Variants in CMSS1 observed in about 807,000 individuals in gnomAD.
CMSS1 encodes the protein protein CMSS1.
Under a neutral mutation model 43.5 loss-of-function variants are expected in CMSS1, and 33 were observed. That is an observed-to-expected ratio of 0.76 (90% CI 0.57 to 1.01). CMSS1 has a LOEUF of 1.01. CMSS1 is among the 50% of genes least tolerant of loss of function. CMSS1 has a pLI of 0.00. For synonymous variants in CMSS1, 115 were observed against 117.2 expected (o/e 0.98, Z 0.12); for missense variants, 313 against 326.4 (o/e 0.96, Z 0.32).
chr3:99,946,430 T>C (rs534118917), intron 1 of CMSS1, among the ~76,000 whole-genome samples: 29 of 152,354 alleles, frequency 1.9e-4, no homozygotes, highest in African/African-American at 7.0e-4. Flanking sequence ...TCTGTGTGGC[T>C]GCTAAACAAA....
intron 1 of CMSS1, among the ~76,000 whole-genome samples, chr3:99,942,070 A>C (rs1264918072): frequency 6.6e-6 from 1 of 152,130 alleles, no homozygotes; most frequent in Non-Finnish European, 1.5e-5. Flanking sequence ...CAAAAAAATT[A>C]GTGGGGCATG....
intron 1 of CMSS1, among the ~76,000 whole-genome samples, chr3:99,989,679 TATATA>T (rs781684090): frequency 7.0e-6 from 1 of 143,850 alleles, no homozygotes; most frequent in Admixed American, 6.9e-5. Context: ...TATATATATA[TATATA>T]TTTTTTTTCT....
intron 1 of CMSS1, among the ~76,000 whole-genome samples, chr3:99,829,908 C>T (rs1414828507): frequency 6.6e-6 from 1 of 152,148 alleles, no homozygotes; most frequent in Non-Finnish European, 1.5e-5. Context: ...CTTTTTCCCT[C>T]CTGGTCATAA....
intron 1 of CMSS1, among the ~76,000 whole-genome samples, chr3:99,823,180 C>T (rs1942473297): frequency 6.6e-6 from 1 of 152,192 alleles, no homozygotes; most frequent in Non-Finnish European, 1.5e-5. Context: ...AAAGTTTACT[C>T]TTTTAAAGAA....
At chr3:100,079,965 T>C (rs911793942) in intron 1 of CMSS1, among the ~76,000 whole-genome samples, 4 of 152,132 alleles carry the variant, frequency 2.6e-5, no homozygotes, top group African/African-American at 9.7e-5. Context: ...TCATGGCATA[T>C]TGAGAAACAG....
At chr3:100,023,823 T>C (rs1309953460) in intron 1 of CMSS1, among the ~76,000 whole-genome samples, 1 of 152,212 alleles carries the variant, frequency 6.6e-6, no homozygotes, top group Non-Finnish European at 1.5e-5. Flanking sequence ...TACTATGTTC[T>C]CCTTCACAGT....
At chr3:99,842,673 G>A (rs1215275074) in intron 1 of CMSS1, among the ~76,000 whole-genome samples, 2 of 152,090 alleles carry the variant, frequency 1.3e-5, no homozygotes, top group African/African-American at 4.8e-5. Flanking sequence ...CAACAATTTT[G>A]ACAATGAAAT....
At position 100,100,553 on chromosome 3, in the gene CMSS1, A is replaced by G. The variant is rs141146788; in HGVS notation, c.65-46420A>G. 4.6e-3 allele frequency among the ~76,000 whole-genome samples: 694 copies of G among 152,296 alleles called. 4 individuals are homozygous for G. The highest frequency in any genetic ancestry group is 0.016 in the African/African-American group (661 of 41,568). The stretch of plus-strand genomic sequence containing the variant: ...CAAAGCTGTGCTTTTGCATGGTTCT[A>G]CATGTCTTCAGAGAGATTCAGAGCA... On this transcript the variant is annotated intron_variant, in intron 1 of 9. Transcript: ENST00000421999.
chr3:99,967,965 G>A (rs1479278423), intron 1 of CMSS1, among the ~76,000 whole-genome samples: 1 of 152,208 alleles, frequency 6.6e-6, no homozygotes, highest in East Asian at 1.9e-4. Context: ...CAGTACTTCA[G>A]CACATCTACT....
intron 2 of CMSS1, among the ~76,000 whole-genome samples, chr3:100,151,068 C>G (rs1400107196): frequency 6.6e-6 from 1 of 152,130 alleles, no homozygotes; most frequent in African/African-American, 2.4e-5. Context: ...CCTTTCTCTA[C>G]TGTTGTATTT....
intron 1 of CMSS1, among the ~76,000 whole-genome samples, chr3:99,968,123 T>C (rs993376305): frequency 6.6e-6 from 1 of 152,192 alleles, no homozygotes; most frequent in African/African-American, 2.4e-5. Flanking sequence ...CAAGGGCACC[T>C]AGCCTTACGT....
At chr3:100,115,092 A>G in intron 1 of CMSS1, 1 of 841,936 alleles carries the variant, frequency 1.2e-6, no homozygotes, top group Non-Finnish European at 1.9e-6. Context: ...TGAAGCATCT[A>G]ATTTTCTTTA....
At position 99,884,714 on chromosome 3, in the gene CMSS1, G is replaced by A. The variant is rs533429751; in HGVS notation, c.64+66671G>A. Reference sequence around the variant, plus strand: ...GAAGAAAGAGATAACAATCATGTGCGAACTACTCCCAGCTATTGCCTATTG... The same window carrying A: ...GAAGAAAGAGATAACAATCATGTGCAAACTACTCCCAGCTATTGCCTATTG... On this transcript the variant is annotated intron_variant, in intron 1 of 9. Transcript: ENST00000421999. Among the ~76,000 whole-genome samples the A allele has an allele frequency of 5.3e-5, 8 of 152,288 alleles. No individual in the cohort carries two copies. The East Asian group carries it at 9.6e-4, about 18-fold the overall frequency.
At chr3:100,073,523 AG>A (rs1294528828) in intron 1 of CMSS1, among the ~76,000 whole-genome samples, 1 of 152,214 alleles carries the variant, frequency 6.6e-6, no homozygotes, top group Non-Finnish European at 1.5e-5. Flanking sequence ...AGAAATCTTG[AG>A]GTTTTCTTGA....
chr3:99,984,033 T>A (rs534350969), intron 1 of CMSS1, among the ~76,000 whole-genome samples: 1 of 152,218 alleles, frequency 6.6e-6, no homozygotes, highest in East Asian at 1.9e-4. Flanking sequence ...TTAATTAGCA[T>A]GAAAAAGGAT....
intron 1 of CMSS1, chr3:99,848,570 G>A: frequency 6.2e-7 from 1 of 1,614,200 alleles, no homozygotes; most frequent in Non-Finnish European, 8.5e-7. Flanking sequence ...TGCCGGTCTG[G>A]GGAGACTCTG....
chr3:99,863,441 G>A (rs1380008453), intron 1 of CMSS1, among the ~76,000 whole-genome samples: 1 of 152,168 alleles, frequency 6.6e-6, no homozygotes, highest in African/African-American at 2.4e-5. Context: ...TTAGTACACT[G>A]TATATACTAT....
chr3:99,962,475 G>A (rs1403661171), intron 1 of CMSS1, among the ~76,000 whole-genome samples: 1 of 152,148 alleles, frequency 6.6e-6, no homozygotes, highest in African/African-American at 2.4e-5. Flanking sequence ...TCAGTCATTA[G>A]GGTTAGACAG....
chr3:99,879,328 C>T (rs1477242734), intron 1 of CMSS1, among the ~76,000 whole-genome samples: 1 of 152,128 alleles, frequency 6.6e-6, no homozygotes, highest in Non-Finnish European at 1.5e-5. Flanking sequence ...CACCAGTTTC[C>T]CTGGTTCGAG....
Sources: allele counts gnomAD v4.1 joint callset (sites outside exome capture counted in the v4.1 genomes callset), GRCh38; gene constraint gnomAD v4.1.1; transcripts MANE v1.5; gene names NCBI Gene and HGNC (gene_info 2026-07-23, HGNC 2026-07-21).